ZNF385D: variants seen among roughly 807,000 people sequenced by gnomAD.
ZNF385D encodes the protein zinc finger protein 659.
ZNF385D carries 15 observed loss-of-function variants against 35.8 expected under a neutral mutation model. The ratio of observed to expected loss-of-function variants is 0.42; its 90% confidence interval spans 0.28 to 0.64. ZNF385D has a LOEUF of 0.64. ZNF385D is among the 30% of genes least tolerant of loss of function. The pLI, the probability that ZNF385D is intolerant of heterozygous loss-of-function variation, is 0.23. For synonymous variants in ZNF385D, 212 were observed against 186.8 expected (o/e 1.13, Z -1.10); for missense variants, 474 against 494.6 (o/e 0.96, Z 0.39).
intron 3 of ZNF385D, among the ~76,000 whole-genome samples, chr3:21,869,671 T>C (rs1183668692): frequency 1.3e-5 from 2 of 152,104 alleles, no homozygotes; most frequent in African/African-American, 4.8e-5. Flanking sequence ...GTAACACAGT[T>C]AGCTTTTACT....
At chr3:22,048,648 T>C (rs1027997951) in intron 3 of ZNF385D, among the ~76,000 whole-genome samples, 2 of 152,158 alleles carry the variant, frequency 1.3e-5, no homozygotes, top group Non-Finnish European at 2.9e-5. Flanking sequence ...ATTATTATAG[T>C]TTTGCAGTCA....
In ZNF385D at chr3:22,297,453, T is replaced by C. The variant is rs539215351; in HGVS notation, c.106+74997A>G. Among the ~76,000 whole-genome samples, 15 of 152,170 alleles carry C rather than the reference T, an allele frequency of 9.9e-5. 1 individual carries two copies. In the South Asian group the frequency reaches 1.5e-3, roughly 15 times the overall value. On this transcript the variant is annotated intron_variant, in intron 2 of 5. Transcript: ENST00000494108. The stretch of plus-strand genomic sequence containing the variant: ...TGGAGCAAAGTCTAGGCTATAGATA[T>C]AGTCTATAAAGGGACAAGCCCCTTG...
At chr3:21,841,130 C>T (rs1289146420) in intron 3 of ZNF385D, among the ~76,000 whole-genome samples, 1 of 152,040 alleles carries the variant, frequency 6.6e-6, no homozygotes, top group Non-Finnish European at 1.5e-5. Context: ...GCAATGATGG[C>T]ACCTACTATG....
chr3:21,840,149 T>C (rs1444184226), intron 3 of ZNF385D, among the ~76,000 whole-genome samples: 1 of 152,070 alleles, frequency 6.6e-6, no homozygotes, highest in Non-Finnish European at 1.5e-5. Context: ...ATAAATTCAA[T>C]GATGTTTTAA....
intron 2 of ZNF385D, among the ~76,000 whole-genome samples, chr3:22,246,567 A>C (rs1371936365): frequency 1.1e-4 from 17 of 152,292 alleles, no homozygotes; most frequent in African/African-American, 4.1e-4. Flanking sequence ...ACTTTGCTAT[A>C]AAACTAACTG....
rs1011837396 is a variant in ZNF385D at position 21,443,452 on chromosome 3, G to A, written c.440-6249C>T. On this transcript the variant is annotated intron_variant, in intron 4 of 7. Coordinates refer to ENST00000281523, the MANE Select transcript of ZNF385D (RefSeq NM_024697.3). ...TATAGAACCCATCCATATACAGGAT[G>A]CTGTGTTAATCACAGGAGGTAAAAA... 36 of 482,818 alleles carry A rather than the reference G, an allele frequency of 7.5e-5. 1 individual carries two copies. In the South Asian group the frequency reaches 2.7e-3, roughly 37 times the overall value. The allele number at this position is 482,818 out of a possible 1,614,324, so 29.9% of individuals were successfully genotyped here. A position where few individuals can be genotyped will look rare whatever the true frequency, so the allele number is the denominator to read the frequency against.
At chr3:22,215,843 T>A (rs1268888628) in intron 2 of ZNF385D, among the ~76,000 whole-genome samples, 2 of 152,032 alleles carry the variant, frequency 1.3e-5, no homozygotes, top group African/African-American at 4.8e-5. Flanking sequence ...ACATGTGATG[T>A]CTCCCCTAGA....
intron 3 of ZNF385D, among the ~76,000 whole-genome samples, chr3:21,885,734 CTGTGTCTGTGTGTGTGTGTGTGTGTG>C (rs1466475279): frequency 4.5e-5 from 6 of 131,932 alleles, no homozygotes; most frequent in East Asian, 2.0e-4. Flanking sequence ...CAGGGTGTGT[CTGTGTCTGTGTGTGTGTGTGTGTGTG>C]TGTGTGTGTG....
chr3:22,041,273 G>T (rs1243134341), intron 3 of ZNF385D, among the ~76,000 whole-genome samples: 2 of 152,074 alleles, frequency 1.3e-5, no homozygotes, highest in Non-Finnish European at 2.9e-5. Context: ...TAGGCCATGT[G>T]TTCACATTGA....
chr3:22,097,705 G>A (rs1328119405), intron 3 of ZNF385D, among the ~76,000 whole-genome samples: 1 of 152,024 alleles, frequency 6.6e-6, no homozygotes, highest in Non-Finnish European at 1.5e-5. Context: ...TTCCTGAGAG[G>A]ATGAAGCTGT....
At chr3:22,338,419 G>C (rs568665502) in intron 2 of ZNF385D, among the ~76,000 whole-genome samples, 1 of 152,236 alleles carries the variant, frequency 6.6e-6, no homozygotes, top group South Asian at 2.1e-4. Flanking sequence ...TTTAGTAATT[G>C]AAGACCTATG....
chr3:21,528,639 T>G (rs1466195226), intron 3 of ZNF385D, among the ~76,000 whole-genome samples: 1 of 152,188 alleles, frequency 6.6e-6, no homozygotes, highest in Non-Finnish European at 1.5e-5. Context: ...ATTCAATGGA[T>G]CAAAAACTCT....
chr3:21,453,706 C>T (rs946495980), intron 4 of ZNF385D, among the ~76,000 whole-genome samples: 3 of 151,902 alleles, frequency 2.0e-5, no homozygotes, highest in Admixed American at 6.6e-5. Context: ...AATAAAACAA[C>T]ATAACTAGTG....
intron 3 of ZNF385D, among the ~76,000 whole-genome samples, chr3:21,515,192 C>T (rs990528917): frequency 1.3e-5 from 2 of 152,134 alleles, no homozygotes; most frequent in African/African-American, 4.8e-5. Context: ...CATGCTCATG[C>T]ACATTTATCT....
At chr3:21,618,618 T>C (rs751100743) in intron 2 of ZNF385D, among the ~76,000 whole-genome samples, 17 of 152,198 alleles carry the variant, frequency 1.1e-4, no homozygotes, top group South Asian at 2.1e-4. Flanking sequence ...GTAACAAATA[T>C]ATATTTTTAA....
At chr3:22,292,031 G>A (rs1307848468) in intron 2 of ZNF385D, among the ~76,000 whole-genome samples, 1 of 151,880 alleles carries the variant, frequency 6.6e-6, no homozygotes, top group African/African-American at 2.4e-5. Flanking sequence ...TGAACATATT[G>A]GATATTGGAG....
intron 3 of ZNF385D, among the ~76,000 whole-genome samples, chr3:22,020,626 CAG>C (rs1209958827): frequency 6.6e-6 from 1 of 151,894 alleles, no homozygotes; most frequent in Non-Finnish European, 1.5e-5. Context: ...CAAGAAATAA[CAG>C]ATATTGGTGA....
chr3:21,593,348 A>G (rs1230264750), intron 2 of ZNF385D, among the ~76,000 whole-genome samples: 1 of 152,100 alleles, frequency 6.6e-6, no homozygotes, highest in Non-Finnish European at 1.5e-5. Context: ...TTCCTAGACA[A>G]ATCTTTTTTT....
chr3:21,682,580 G>A (rs926725382), intron 1 of ZNF385D, among the ~76,000 whole-genome samples: 1 of 150,000 alleles, frequency 6.7e-6, no homozygotes, highest in African/African-American at 2.5e-5. Context: ...GAAAGTCAAG[G>A]GTTAATCTTT....
Sources: allele counts gnomAD v4.1 joint callset (sites outside exome capture counted in the v4.1 genomes callset), GRCh38; gene constraint gnomAD v4.1.1; transcripts MANE v1.5; gene names NCBI Gene and HGNC (gene_info 2026-07-23, HGNC 2026-07-21).